The following FILIP1 variants were observed in gnomAD, a reference collection of about 807,000 sequenced individuals.
The protein encoded by FILIP1 is filamin A interacting protein 1, also known as filamin-A-interacting protein 1.
A neutral mutation model predicts 102.1 loss-of-function variants in FILIP1; 61 were observed. That is an observed-to-expected ratio of 0.60 (90% CI 0.49 to 0.74). FILIP1 has a LOEUF of 0.74. Among genes scored for constraint, FILIP1 ranks in the 30% least tolerant of loss-of-function variants. FILIP1 has a pLI of 0.00. For synonymous variants in FILIP1, 491 were observed against 526.9 expected, an observed-to-expected ratio of 0.93 and a Z score of 0.93; for missense variants, 1,314 against 1,441.2, an observed-to-expected ratio of 0.91 and a Z score of 1.43.
Position 75,314,319 on chromosome 6 carries a change from T to C in FILIP1, c.1513A>G (p.Thr505Ala), listed in dbSNP as rs1773342555. The change falls in exon 5 of 6, where the codon ACC becomes GCC. Residue 505 changes from threonine (T) to alanine (A), a missense_variant. Physicochemically the swap from Thr to Ala is moderately conservative, Grantham distance 58. Around this residue, in one of 3 missense-constraint regions of FILIP1, gnomAD observed 816 missense variants for 913.1 expected, o/e 0.89. Coordinates refer to ENST00000237172, the MANE Select transcript of FILIP1 (RefSeq NM_015687.5). ...TTCCTTTCATCAACCAGCATCACGG[T>C]AAATGACTTCAACTTGGTAAGATCA... is the stretch of plus-strand genomic sequence containing the variant. ...KDDLTKLKSF[T>A]VMLVDERKNM... is the part of the protein sequence containing the mutation. The C allele has an allele frequency of 6.6e-7, 1 of 1,525,200 alleles. No individual in the cohort carries two copies. Among genetic ancestry groups the C allele is most frequent in the African/African-American group, 1.4e-5 (1 of 71,036 alleles). The allele number at this position is 1,525,200 out of a possible 1,614,324, so 94.5% of individuals were successfully genotyped here. A position where few individuals can be genotyped will look rare whatever the true frequency, so the allele number is the denominator to read the frequency against.
At chr6:75,325,348 G>C (rs565828128) in intron 4 of FILIP1, among the ~76,000 whole-genome samples, 5 of 152,286 alleles carry the variant, frequency 3.3e-5, no homozygotes, top group African/African-American at 1.2e-4. Context: ...CTTGAATCTG[G>C]GAGGTGGAGG....
rs759161187 is a variant in FILIP1, at chr6:75,314,484, T to G, written c.1348A>C (p.Thr450Pro). The change falls in exon 5 of 6, where the codon ACC becomes CCC. Residue 450 changes from threonine to proline, a missense_variant. Transcript: ENST00000237172. ...EAFSKSKSECTQLHLNLEKEK... is the reference protein window; with the variant it reads ...EAFSKSKSECPQLHLNLEKEK... ...TTCTCCAGATTTAAATGTAGCTGGG[T>G]GCACTCAGATTTACTCTTGCTAAAT... 1.2e-6 allele frequency: 2 copies of G among 1,603,942 alleles called. No homozygotes were observed. Among genetic ancestry groups the G allele is most frequent in the African/African-American group, 2.7e-5 (2 of 74,162 alleles).
exon 7 of FILIP1, chr6:75,295,657 A>G (rs1166743252): frequency 3.0e-6 from 1 of 328,952 alleles, no homozygotes; most frequent in Admixed American, 4.8e-5. Flanking sequence ...ATGTGCCCAT[A>G]GACCTGAAAG....
At chr6:75,319,558 C>T (rs1367588803) in intron 4 of FILIP1, 6 of 534,426 alleles carry the variant, frequency 1.1e-5, no homozygotes, top group South Asian at 4.4e-5. Flanking sequence ...AGGCCGGGCC[C>T]GGTGGCTCAC....
At chr6:75,372,196 C>G (rs1403438275) in intron 2 of FILIP1, among the ~76,000 whole-genome samples, 1 of 151,804 alleles carries the variant, frequency 6.6e-6, no homozygotes, top group Middle Eastern at 3.4e-3. Flanking sequence ...GGAGAAACCC[C>G]GTCTCTACTA....
chr6:75,451,658 C>T (rs1315495901), intron 1 of FILIP1, among the ~76,000 whole-genome samples: 1 of 152,026 alleles, frequency 6.6e-6, no homozygotes, highest in Non-Finnish European at 1.5e-5. Context: ...TGGTGAAATC[C>T]TGTCCCTACT....
intron 3 of FILIP1, among the ~76,000 whole-genome samples, chr6:75,361,197 G>A (rs1239510770): frequency 6.6e-6 from 1 of 152,178 alleles, no homozygotes; most frequent in African/African-American, 2.4e-5. Flanking sequence ...AGTGTTTTCT[G>A]TTCTGATCCT....
In FILIP1 at chr6:75,414,835, C is replaced by T. The variant is rs997763692; in HGVS notation, c.138G>A (p.Glu46=). 1 of 1,613,882 alleles carries T rather than the reference C, an allele frequency of 6.2e-7. No individual in the cohort carries two copies. Among genetic ancestry groups the T allele is most frequent in the Non-Finnish European group, 8.5e-7 (1 of 1,179,884 alleles). Residue 46 remains glutamate, a synonymous_variant, in exon 2 of 6, where the codon GAG becomes GAA. Coordinates refer to ENST00000237172, the MANE Select transcript of FILIP1 (RefSeq NM_015687.5). The part of the protein sequence containing the change: ...AKKKKKSNRK[E]DDVMASGTVK... Reference sequence around the variant, plus strand: ...CAGTTCCTGAGGCCATGACATCATCCTCCTTCCTATTTGATTTCTTCTTCT... The same window carrying T: ...CAGTTCCTGAGGCCATGACATCATCTTCCTTCCTATTTGATTTCTTCTTCT...
chr6:75,479,856 A>G (rs1227172078), intron 1 of FILIP1, among the ~76,000 whole-genome samples: 2 of 137,566 alleles, frequency 1.5e-5, no homozygotes, highest in African/African-American at 5.6e-5. Context: ...GCCACAGAGT[A>G]AAGCTGTATC....
chr6:75,323,845 G>A (rs928144805), intron 4 of FILIP1, among the ~76,000 whole-genome samples: 5 of 81,854 alleles, frequency 6.1e-5, no homozygotes, highest in African/African-American at 1.3e-4. Flanking sequence ...TTCCCCCCAC[G>A]CTGTTATAAT....
chr6:75,302,982 G>A (rs1484594566), intron 6 of FILIP1, among the ~76,000 whole-genome samples: 1 of 152,138 alleles, frequency 6.6e-6, no homozygotes, highest in East Asian at 1.9e-4. Context: ...CAAATGAAAA[G>A]TAGTTAAAAC....
At chr6:75,377,539 T>A (rs1473821243) in intron 2 of FILIP1, among the ~76,000 whole-genome samples, 1 of 152,188 alleles carries the variant, frequency 6.6e-6, no homozygotes, top group Non-Finnish European at 1.5e-5. Flanking sequence ...ACCTGATACT[T>A]CCCTATTCAC....
intron 2 of FILIP1, among the ~76,000 whole-genome samples, chr6:75,404,947 T>C (rs932967485): frequency 2.6e-5 from 4 of 152,224 alleles, no homozygotes; most frequent in Admixed American, 6.5e-5. Context: ...GTAAACACAG[T>C]AAAGTGTCTT....
chr6:75,359,481 A>G (rs1398539312), intron 3 of FILIP1, among the ~76,000 whole-genome samples: 1 of 152,236 alleles, frequency 6.6e-6, no homozygotes, highest in East Asian at 1.9e-4. Flanking sequence ...ACTCAAGAAC[A>G]TGAAAATAGA....
intron 2 of FILIP1, among the ~76,000 whole-genome samples, chr6:75,405,457 A>G (rs185034908): frequency 2.6e-5 from 4 of 152,338 alleles, no homozygotes; most frequent in African/African-American, 9.6e-5. Context: ...AGAAAAAAGA[A>G]AAAAAAACAT....
At chr6:75,461,070 T>A (rs752343349) in intron 1 of FILIP1, among the ~76,000 whole-genome samples, 1 of 152,178 alleles carries the variant, frequency 6.6e-6, no homozygotes, top group South Asian at 2.1e-4. Flanking sequence ...ACTTATCAAA[T>A]CTGATTTGAA....
At chr6:75,400,380 G>C (rs1349836764) in intron 2 of FILIP1, among the ~76,000 whole-genome samples, 1 of 152,130 alleles carries the variant, frequency 6.6e-6, no homozygotes, top group African/African-American at 2.4e-5. Flanking sequence ...TTCTCAAGAA[G>C]TTGTTAACTT....
At chr6:75,482,053 A>G (rs1414697087) in intron 1 of FILIP1, among the ~76,000 whole-genome samples, 2 of 152,144 alleles carry the variant, frequency 1.3e-5, no homozygotes, top group Non-Finnish European at 2.9e-5. Context: ...GGCCACTTTC[A>G]TCTGGTTTTC....
chr6:75,373,383 A>G (rs1775639056), intron 2 of FILIP1, among the ~76,000 whole-genome samples: 6 of 152,256 alleles, frequency 3.9e-5, no homozygotes. Context: ...CAAGGTGAAT[A>G]TACTTAATGC....
Sources: allele counts gnomAD v4.1 joint callset (sites outside exome capture counted in the v4.1 genomes callset), GRCh38; gene constraint gnomAD v4.1.1; regional missense constraint gnomAD v4.1.1; transcripts MANE v1.5; gene names NCBI Gene and HGNC (gene_info 2026-07-23, HGNC 2026-07-21).